Variants in DISC1 observed in about 807,000 individuals in gnomAD.
DISC1 encodes the protein disrupted in schizophrenia 1 protein.
Under a neutral mutation model 84.5 loss-of-function variants are expected in DISC1, and 57 were observed. The observed-to-expected ratio is 0.67, with a 90% CI of 0.55 to 0.84. The LOEUF is 0.84. Among genes scored for constraint, DISC1 ranks in the 40% least tolerant of loss-of-function variants. The pLI is 0.00. For missense variants in DISC1, 1,000 were observed against 1,057.8 expected (o/e 0.95, Z 0.76); for synonymous variants, 411 against 415.2 (o/e 0.99, Z 0.12).
chr1:231,846,852 G>A (rs1308237039), intron 9 of DISC1, among the ~76,000 whole-genome samples: 1 of 152,146 alleles, frequency 6.6e-6, no homozygotes, highest in African/African-American at 2.4e-5. Context: ...AAAAGACTCT[G>A]GGATTGGGCA....
intron 3 of DISC1, among the ~76,000 whole-genome samples, chr1:231,709,201 G>A (rs2067481884): frequency 6.6e-6 from 1 of 152,206 alleles, no homozygotes; most frequent in Non-Finnish European, 1.5e-5. Context: ...GCCCATTTGT[G>A]TTTGCAGGTC....
intron 9 of DISC1, among the ~76,000 whole-genome samples, chr1:231,882,300 T>C (rs1043299842): frequency 3.3e-5 from 5 of 152,286 alleles, no homozygotes; most frequent in African/African-American, 1.2e-4. Flanking sequence ...GAAGCATCCT[T>C]CTTTCAGCTG....
intron 6 of DISC1, among the ~76,000 whole-genome samples, chr1:231,779,181 A>G (rs541286299): frequency 6.6e-5 from 10 of 152,280 alleles, no homozygotes; most frequent in South Asian, 2.1e-4. Context: ...GAGATGAGCT[A>G]TCTTAAAACC....
At chr1:231,705,340 G>A (rs1468223905) in intron 3 of DISC1, among the ~76,000 whole-genome samples, 1 of 140,090 alleles carries the variant, frequency 7.1e-6, no homozygotes, top group Non-Finnish European at 1.6e-5. Context: ...AAAAATAAAG[G>A]CAGACAAAGA....
intron 3 of DISC1, chr1:231,722,765 A>G: frequency 1.3e-6 from 2 of 1,495,832 alleles, no homozygotes; most frequent in Non-Finnish European, 1.8e-6. Context: ...ACATTATTTC[A>G]GGATAGCAGC....
At chr1:231,708,502 T>C (rs12045144) in intron 3 of DISC1, among the ~76,000 whole-genome samples, 45,768 of 152,180 alleles carry the variant, frequency 0.3, 7,244 homozygotes, top group East Asian at 0.38. Flanking sequence ...TTGAGATCTC[T>C]GCTCTCTGGG....
chr1:231,844,603 G>C (rs2083310701), intron 9 of DISC1, among the ~76,000 whole-genome samples: 1 of 152,128 alleles, frequency 6.6e-6, no homozygotes, highest in Non-Finnish European at 1.5e-5. Flanking sequence ...GGCGGGCAGG[G>C]AGGCTTCCAG....
At chr1:231,938,822 C>T (rs1039302651) in intron 9 of DISC1, among the ~76,000 whole-genome samples, 8 of 152,190 alleles carry the variant, frequency 5.3e-5, no homozygotes, top group African/African-American at 1.4e-4. Flanking sequence ...CAAAGCCTCA[C>T]GACTTTCTTC....
At chr1:231,764,629 C>T (rs200240418) in intron 4 of DISC1, among the ~76,000 whole-genome samples, 1 of 152,026 alleles carries the variant, frequency 6.6e-6, no homozygotes, top group Non-Finnish European at 1.5e-5. Context: ...GCTAAGAGGT[C>T]CTGATGCTGG....
chr1:231,710,449 A>G (rs1400601856), intron 3 of DISC1, among the ~76,000 whole-genome samples: 1 of 152,252 alleles, frequency 6.6e-6, no homozygotes, highest in Non-Finnish European at 1.5e-5. Flanking sequence ...TCCCATTACA[A>G]CAATTTTAGG....
intron 4 of DISC1, among the ~76,000 whole-genome samples, chr1:231,758,952 T>G (rs1259498674): frequency 6.6e-6 from 1 of 152,172 alleles, no homozygotes; most frequent in Non-Finnish European, 1.5e-5. Context: ...ATGTCCTTTA[T>G]CGAAGACCTT....
chr1:231,894,418 C>A (rs1229535554), intron 9 of DISC1, among the ~76,000 whole-genome samples: 1 of 152,026 alleles, frequency 6.6e-6, no homozygotes, highest in Non-Finnish European at 1.5e-5. Context: ...TTCTACTATT[C>A]TACTCTGGAT....
At chr1:231,638,244 T>C (rs867359463) in intron 1 of DISC1, among the ~76,000 whole-genome samples, 1 of 152,210 alleles carries the variant, frequency 6.6e-6, no homozygotes, top group African/African-American at 2.4e-5. Context: ...GTTGGATGCA[T>C]AGTTTGCAAA....
intron 1 of DISC1, among the ~76,000 whole-genome samples, chr1:231,684,463 G>A (rs369290209): frequency 1.4e-4 from 21 of 152,086 alleles, no homozygotes; most frequent in African/African-American, 4.8e-4. Context: ...CATTACCCTT[G>A]AATTACTATA....
At chr1:231,900,421 A>G (rs558557727) in intron 9 of DISC1, among the ~76,000 whole-genome samples, 1 of 152,322 alleles carries the variant, frequency 6.6e-6, no homozygotes, top group South Asian at 2.1e-4. Flanking sequence ...AATTCTCCTA[A>G]TTGGCCTACG....
chr1:231,830,423 G>T (rs2082139434), intron 9 of DISC1, among the ~76,000 whole-genome samples: 2 of 152,160 alleles, frequency 1.3e-5, no homozygotes. Context: ...GAGGACCTAG[G>T]ACATCTAATT....
intron 9 of DISC1, among the ~76,000 whole-genome samples, chr1:231,949,737 G>GAGCTGTGTGTCTTTTA (rs1657980732): frequency 1.3e-5 from 2 of 152,180 alleles, no homozygotes; most frequent in African/African-American, 2.4e-5. Flanking sequence ...CCACCCATCA[G>GAGCTGTGTGTCTTTTA]ACCCACAAGC....
intron 9 of DISC1, among the ~76,000 whole-genome samples, chr1:231,911,705 A>G (rs1055400277): frequency 2.0e-5 from 3 of 152,098 alleles, no homozygotes; most frequent in Admixed American, 6.5e-5. Context: ...TATTTCCTGC[A>G]TTTGAATGTT....
intron 4 of DISC1, among the ~76,000 whole-genome samples, chr1:231,753,716 T>A (rs1372365560): frequency 6.6e-6 from 1 of 152,198 alleles, no homozygotes. Context: ...AAGCTGCAAA[T>A]TTTCCAAACT....
Sources: gnomAD v4.1 joint callset for allele counts (sites outside exome capture counted in the v4.1 genomes callset) on GRCh38, gnomAD v4.1.1 for gene constraint, MANE v1.5 for transcripts, NCBI Gene and HGNC (gene_info 2026-07-23, HGNC 2026-07-21) for gene names.